The following SYAP1 variants were observed in gnomAD, a reference collection of about 807,000 sequenced individuals.
The protein encoded by SYAP1 is synapse-associated protein 1.
Under a neutral mutation model 29.6 loss-of-function variants are expected in SYAP1, and 3 were observed. That is an observed-to-expected ratio of 0.10 (90% confidence interval 0.05 to 0.26). The LOEUF is 0.26. SYAP1 is among the 10% of genes least tolerant of loss of function. The pLI is 1.00. For missense variants in SYAP1, 217 were observed against 264.1 expected, an observed-to-expected ratio of 0.82 and a Z score of 1.24; for synonymous variants, 102 against 102.7, an observed-to-expected ratio of 0.99 and a Z score of 0.04.
At chrX:16,752,843 G>T (rs181282814) in intron 5 of SYAP1, among the ~76,000 whole-genome samples, 3 of 111,135 alleles carry the variant, frequency 2.7e-5, no homozygotes, top group African/African-American at 6.5e-5. Context: ...TTACTATTTT[G>T]CTGGGATGTG....
At chrX:16,729,641 G>A (rs1246855746) in intron 1 of SYAP1, among the ~76,000 whole-genome samples, 1 of 109,873 alleles carries the variant, frequency 9.1e-6, no homozygotes, top group East Asian at 2.9e-4. Flanking sequence ...GTGCCACCAT[G>A]CCCAGCTAAT....
Position 16,719,616 on chromosome X carries a change from C to T in SYAP1, c.-109C>T, listed in dbSNP as rs1189656677. On this transcript the variant is annotated 5_prime_UTR_variant, in exon 1 of 9. Coordinates refer to ENST00000380155, the MANE Select transcript of SYAP1 (RefSeq NM_032796.4). Reference sequence around the variant, plus strand: ...CGGGGCTGCGGCGGCTGCGGTGTTCCTCCGACTTCCGGACATCTCCCTGGG... The same window carrying T: ...CGGGGCTGCGGCGGCTGCGGTGTTCTTCCGACTTCCGGACATCTCCCTGGG... 1 of 974,643 alleles carries T rather than the reference C, an allele frequency of 1.0e-6. No homozygotes were observed. The highest frequency in any genetic ancestry group is 3.6e-5 in the East Asian group (1 of 27,870). 80.3% of individuals were successfully genotyped at this position (974,643 alleles called of 1,213,427 possible).
At chrX:16,739,035 C>G (rs1926391355) in intron 3 of SYAP1, among the ~76,000 whole-genome samples, 1 of 111,090 alleles carries the variant, frequency 9.0e-6, no homozygotes, top group South Asian at 3.8e-4. Flanking sequence ...TCTCCTCATA[C>G]AAGTATCTTA....
At chrX:16,744,460 G>C (rs1014492417) in intron 5 of SYAP1, among the ~76,000 whole-genome samples, 1 of 112,693 alleles carries the variant, frequency 8.9e-6, no homozygotes, top group Non-Finnish European at 1.9e-5. Flanking sequence ...TTCTGTCATT[G>C]TTCCCTTTCT....
At chrX:16,751,975 CT>C (rs773120810) in intron 5 of SYAP1, among the ~76,000 whole-genome samples, 202 of 56,665 alleles carry the variant, frequency 3.6e-3, no homozygotes, top group South Asian at 5.1e-3. Flanking sequence ...TGCACCCGGC[CT>C]TTTTTTTTTT....
intron 1 of SYAP1, among the ~76,000 whole-genome samples, chrX:16,723,434 A>G (rs954684330): frequency 8.9e-6 from 1 of 111,870 alleles, no homozygotes; most frequent in African/African-American, 3.3e-5. Flanking sequence ...GAAGTCGTAG[A>G]TGTTCCTTAT....
chrX:16,727,719 CCTCTT>C (rs1361016537), intron 1 of SYAP1, among the ~76,000 whole-genome samples: 1 of 111,347 alleles, frequency 9.0e-6, no homozygotes, highest in Non-Finnish European at 1.9e-5. Context: ...GAATTCCTCT[CCTCTT>C]GAGGTCCCAA....
chrX:16,736,287 T>TAACAG, intron 3 of SYAP1, 55 bp downstream of exon 3: 8 of 795,852 alleles, frequency 1.0e-5, no homozygotes, highest in South Asian at 2.2e-5. Context: ...GCACCTGTTA[T>TAACAG]GTGCTAGATA....
intron 3 of SYAP1, among the ~76,000 whole-genome samples, chrX:16,737,416 G>C (rs1475918160): frequency 1.8e-5 from 2 of 111,660 alleles, no homozygotes; most frequent in Non-Finnish European, 3.8e-5. Flanking sequence ...AATTCAGTTC[G>C]AGTTGTGCCA....
intron 1 of SYAP1, among the ~76,000 whole-genome samples, chrX:16,732,735 A>G (rs1380736903): frequency 8.0e-5 from 9 of 111,946 alleles, no homozygotes; most frequent in Non-Finnish European, 1.5e-4. Flanking sequence ...AGTCATAACT[A>G]AAGAGAAATG....
In SYAP1 at chrX:16,728,664, CA is replaced by C. The variant is rs1323708710; in HGVS notation, c.176-6553del. Among the ~76,000 whole-genome samples the C allele has an allele frequency of 9.9e-5, 10 of 100,794 alleles. No homozygotes were observed. The South Asian group carries it at 4.0e-3, about 40-fold the overall frequency. 87.5% of individuals were successfully genotyped at this position (100,794 alleles called of 115,157 possible). On this transcript the variant is annotated intron_variant, in intron 1 of 8. Transcript: ENST00000380155. The stretch of plus-strand genomic sequence containing the variant: ...TGGGCAACAGAGTGAGACTCCACCT[CA>C]AAAAAAAAACTAAATAAAGAGGACC...
rs1221720020 is a variant in SYAP1 at position 16,743,846 on chromosome X, CAG to C, written c.575+9_575+10del. 1.7e-6 allele frequency: 2 copies of C among 1,208,098 alleles called. No individual in the cohort carries two copies. The highest frequency in any genetic ancestry group is 2.2e-6 in the Non-Finnish European group (2 of 893,575). Reference sequence around the variant, plus strand: ...TTTGCCCTCGTTCCTAAACTGTAAGCAGAGTGTTCTCCAGCGTTTCCTCATGG... The same window carrying C: ...TTTGCCCTCGTTCCTAAACTGTAAGCAGTGTTCTCCAGCGTTTCCTCATGG... On this transcript the variant is annotated splice_region_variant and intron_variant, in intron 5 of 8. Coordinates refer to ENST00000380155, the MANE Select transcript of SYAP1 (RefSeq NM_032796.4).
intron 3 of SYAP1, among the ~76,000 whole-genome samples, chrX:16,738,378 A>G (rs1926374550): frequency 9.0e-6 from 1 of 111,714 alleles, no homozygotes; most frequent in Admixed American, 9.6e-5. Flanking sequence ...TTGTGCCGCT[A>G]CACTCCAGCC....
At position 16,762,356 on chromosome X, in the gene SYAP1, TA is replaced by T. The variant is rs1313777055; in HGVS notation, c.*1998del. 4.5e-5 allele frequency: 5 copies of T among 111,496 alleles called. No individual in the cohort carries two copies. The highest frequency in any genetic ancestry group is 1.6e-4 in the African/African-American group (5 of 30,709). The allele number at this position is 111,496 out of a possible 1,213,427, so 9.2% of individuals were successfully genotyped here. A position where few individuals can be genotyped will look rare whatever the true frequency, so the allele number is the denominator to read the frequency against. On this transcript the variant is annotated 3_prime_UTR_variant, in exon 9 of 9. Coordinates refer to ENST00000380155, the MANE Select transcript of SYAP1 (RefSeq NM_032796.4). ...AATGGCAATAGAGGTGTGTGACAGTTATTGCTATCAATTTTACATAATATCT... is the reference window on the plus strand; with the variant it reads ...AATGGCAATAGAGGTGTGTGACAGTTTTGCTATCAATTTTACATAATATCT...
chrX:16,757,307 A>G lies in SYAP1; in HGVS notation c.929A>G (p.Glu310Gly). 9 of 1,201,204 alleles carry G rather than the reference A, an allele frequency of 7.5e-6. No homozygotes were observed. The highest frequency in any genetic ancestry group is 1.0e-5 in the Non-Finnish European group (9 of 891,230). Residue 310 changes from glutamate to glycine, a missense_variant and splice_region_variant, in exon 8 of 9, where the codon GAA (glutamate) becomes GGA (glycine). By Grantham distance (98) the Glu-to-Gly change is moderately conservative. Coordinates refer to ENST00000380155, the MANE Select transcript of SYAP1 (RefSeq NM_032796.4). ...DKKQEETAVLEEDSADWEKEL... is the reference protein window; with the variant it reads ...DKKQEETAVLGEDSADWEKEL... ...AAGCAAGAGGAGACAGCCGTACTGG[A>G]AGGTAAAAAACAAAACAAATCAAAG...
In SYAP1 at chrX:16,761,655, A is replaced by T. The variant is rs1926987691; in HGVS notation, c.*1296A>T. The T allele has an allele frequency of 9.1e-6, 1 of 110,021 alleles. No homozygotes were observed. The highest frequency in any genetic ancestry group is 3.3e-5 in the African/African-American group (1 of 29,954). The allele number at this position is 110,021 out of a possible 1,213,427, so 9.1% of individuals were successfully genotyped here. On this transcript the variant is annotated 3_prime_UTR_variant, in exon 9 of 9. Coordinates refer to ENST00000380155, the MANE Select transcript of SYAP1 (RefSeq NM_032796.4). ...GCCACTGCACTCCAGCCTGGGTGAC[A>T]GAGTGAGAGACTCCGTCTCAAAAAT...
intron 5 of SYAP1, among the ~76,000 whole-genome samples, chrX:16,748,191 GC>G (rs1218495866): frequency 8.9e-6 from 1 of 112,401 alleles, no homozygotes; most frequent in Non-Finnish European, 1.9e-5. Flanking sequence ...CCAAAGAAAA[GC>G]ATGTGTGCAG....
intron 1 of SYAP1, among the ~76,000 whole-genome samples, chrX:16,722,918 A>T (rs1164173790): frequency 8.9e-6 from 1 of 112,634 alleles, no homozygotes; most frequent in African/African-American, 3.2e-5. Flanking sequence ...CTTTCTGAAA[A>T]AAATAAATAA....
intron 4 of SYAP1, among the ~76,000 whole-genome samples, chrX:16,743,115 G>A (rs1196458069): frequency 3.7e-5 from 4 of 107,547 alleles, no homozygotes; most frequent in Non-Finnish European, 3.8e-5. Flanking sequence ...ATCACTTGAG[G>A]TCAGGAGTTC....
Sources: allele counts gnomAD v4.1 joint callset (sites outside exome capture counted in the v4.1 genomes callset), GRCh38; gene constraint gnomAD v4.1.1; transcripts MANE v1.5; gene names NCBI Gene and HGNC (gene_info 2026-07-23, HGNC 2026-07-21).